The following POFUT3 variants were observed in gnomAD, a reference collection of about 807,000 sequenced individuals.
POFUT3 encodes the protein GDP-fucose protein O-fucosyltransferase 3.
the POFUT3 span, among the ~76,000 whole-genome samples, chr8:33,384,182 C>T: frequency 6.6e-4 from 101 of 152,120 alleles, 2 homozygotes; most frequent in African/African-American, 2.4e-3. Flanking sequence ...CCTTTGTTAC[C>T]CCAATACTGG....
the POFUT3 span, among the ~76,000 whole-genome samples, chr8:33,415,595 T>G: frequency 2.0e-5 from 3 of 152,298 alleles, no homozygotes; most frequent in South Asian, 4.1e-4. Flanking sequence ...GACAGATTTA[T>G]TCTCCCCATA....
the POFUT3 span, among the ~76,000 whole-genome samples, chr8:33,414,964 G>GA: frequency 0.039 from 3,764 of 96,724 alleles, 60 homozygotes; most frequent in African/African-American, 0.077. Context: ...GAACCATAAA[G>GA]AAAAAAAAAA....
the POFUT3 span, among the ~76,000 whole-genome samples, chr8:33,373,722 T>A: frequency 6.6e-6 from 1 of 151,922 alleles, no homozygotes; most frequent in Non-Finnish European, 1.5e-5. Context: ...AACTCCAGGA[T>A]AACAGAGTGA....
the POFUT3 span, among the ~76,000 whole-genome samples, chr8:33,412,973 A>T: frequency 6.6e-6 from 1 of 151,984 alleles, no homozygotes; most frequent in Non-Finnish European, 1.5e-5. Flanking sequence ...CATTGCAGTA[A>T]TGGGTCCATG....
At chr8:33,400,579 T>C in the POFUT3 span, among the ~76,000 whole-genome samples, 1 of 152,150 alleles carries the variant, frequency 6.6e-6, no homozygotes, top group East Asian at 1.9e-4. Flanking sequence ...CCAATTAAAC[T>C]ATGATACAAG....
chr8:33,436,345 T>C, the POFUT3 span: 4 of 1,346,682 alleles, frequency 3.0e-6, no homozygotes, highest in Admixed American at 1.7e-5. Context: ...GCCCGCTCCA[T>C]GTGTAAGAAG....
At chr8:33,319,910 C>T in the POFUT3 span, among the ~76,000 whole-genome samples, 2 of 148,536 alleles carry the variant, frequency 1.3e-5, no homozygotes. Flanking sequence ...AGTTACTGAT[C>T]AGCTCTTGGC....
the POFUT3 span, among the ~76,000 whole-genome samples, chr8:33,339,844 G>A: frequency 3.3e-5 from 5 of 152,070 alleles, no homozygotes; most frequent in Admixed American, 6.5e-5. Flanking sequence ...CAGAGATGAA[G>A]GAGAAATCAA....
the POFUT3 span, among the ~76,000 whole-genome samples, chr8:33,392,163 G>A: frequency 6.6e-6 from 1 of 152,138 alleles, no homozygotes; most frequent in Non-Finnish European, 1.5e-5. Flanking sequence ...ACTTCCCTGA[G>A]ATACATCCAC....
the POFUT3 span, among the ~76,000 whole-genome samples, chr8:33,441,604 C>A: frequency 6.6e-6 from 1 of 151,884 alleles, no homozygotes; most frequent in Non-Finnish European, 1.5e-5. Flanking sequence ...TGGCCTCAAA[C>A]TCGAGAGCTC....
chr8:33,322,759 A>T, the POFUT3 span, among the ~76,000 whole-genome samples: 10 of 152,258 alleles, frequency 6.6e-5, no homozygotes, highest in African/African-American at 2.4e-4. Flanking sequence ...AGCAATCTAT[A>T]TCTACAAATA....
At chr8:33,445,015 C>T in the POFUT3 span, among the ~76,000 whole-genome samples, 1 of 146,396 alleles carries the variant, frequency 6.8e-6, no homozygotes, top group Non-Finnish European at 1.5e-5. Context: ...CTCACTGCAA[C>T]CTCCACCTCC....
chr8:33,419,851 A>G, the POFUT3 span, among the ~76,000 whole-genome samples: 1 of 152,174 alleles, frequency 6.6e-6, no homozygotes, highest in Admixed American at 6.6e-5. Context: ...GTTTATGGCC[A>G]GGCATGGTGG....
At chr8:33,411,323 G>A in the POFUT3 span, among the ~76,000 whole-genome samples, 1 of 152,204 alleles carries the variant, frequency 6.6e-6, no homozygotes, top group Non-Finnish European at 1.5e-5. Context: ...AAATGAACCA[G>A]GGAGTCTTAG....
chr8:33,435,691 T>C, the POFUT3 span, among the ~76,000 whole-genome samples: 1 of 151,288 alleles, frequency 6.6e-6, no homozygotes, highest in Non-Finnish European at 1.5e-5. Flanking sequence ...AATTTTTGTA[T>C]TTTTAGTAGG....
chr8:33,362,893 C>A, the POFUT3 span, among the ~76,000 whole-genome samples: 536 of 152,188 alleles, frequency 3.5e-3, 8 homozygotes, highest in African/African-American at 0.012. Context: ...ATATCCAGGA[C>A]TTGAATTCAG....
At chr8:33,362,390 T>C in the POFUT3 span, among the ~76,000 whole-genome samples, 1 of 152,132 alleles carries the variant, frequency 6.6e-6, no homozygotes, top group African/African-American at 2.4e-5. Flanking sequence ...GCGAACATCA[T>C]AATGACAAGA....
chr8:33,437,928 C>T, the POFUT3 span, among the ~76,000 whole-genome samples: 4 of 152,064 alleles, frequency 2.6e-5, no homozygotes, highest in African/African-American at 9.7e-5. Context: ...TTTCACTGGT[C>T]CTCACATGCA....
the POFUT3 span, among the ~76,000 whole-genome samples, chr8:33,430,796 T>TG: frequency 2.6e-5 from 4 of 152,090 alleles, no homozygotes; most frequent in East Asian, 7.7e-4. Context: ...TTAGTAGAGA[T>TG]GGGGTTTCTC....
Sources: gnomAD v4.1 joint callset for allele counts (sites outside exome capture counted in the v4.1 genomes callset) on GRCh38, gnomAD v4.1.1 for gene constraint, MANE v1.5 for transcripts, NCBI Gene and HGNC (gene_info 2026-07-23, HGNC 2026-07-21) for gene names.